The following ZNF326 variants were observed in gnomAD, a reference collection of about 807,000 sequenced individuals.
ZNF326 encodes the protein zinc finger protein 326, also known as DBIRD complex subunit ZNF326.
In ZNF326, 30 loss-of-function variants were observed where a neutral mutation model predicts 63.1. That is an observed-to-expected ratio of 0.48 (90% CI 0.36 to 0.64). The LOEUF (loss-of-function observed/expected upper bound fraction) is 0.64. Ranked by LOEUF, ZNF326 falls within the 30% of genes least tolerant of loss-of-function variation. The probability of loss-of-function intolerance (pLI) is 0.00; values close to 1 mark genes in which losing one functional copy is unlikely to be tolerated. For synonymous variants in ZNF326, 194 were observed against 228.2 expected (o/e 0.85, Z 1.35); for missense variants, 609 against 720.3 (o/e 0.85, Z 1.77).
chr1:90,010,816 A>G (rs759918368), intron 6 of ZNF326, among the ~76,000 whole-genome samples: 1 of 152,148 alleles, frequency 6.6e-6, no homozygotes, highest in Non-Finnish European at 1.5e-5. Flanking sequence ...ATTTTCTATA[A>G]TATAAAATTT....
At position 90,030,143 on chromosome 1, in the gene ZNF326, A is replaced by G. The variant is rs915028382; in HGVS notation, c.*2442A>G. On this transcript the variant is annotated 3_prime_UTR_variant, in exon 12 of 12. Coordinates refer to ENST00000340281, the MANE Select transcript of ZNF326 (RefSeq NM_182976.4). The stretch of plus-strand genomic sequence containing the variant: ...ATTCGCTTTTTATCACTTTCTACCT[A>G]CAGTCTACCAAAAAGTCTGTCTGTT... 2 of 152,154 alleles carry G rather than the reference A, an allele frequency of 1.3e-5. No individual in the cohort carries two copies. Among genetic ancestry groups the G allele is most frequent in the African/African-American group, 4.8e-5 (2 of 41,420 alleles). The allele number at this position is 152,154 out of a possible 1,614,324, so 9.4% of individuals were successfully genotyped here.
At chr1:90,023,143 G>A (rs1248650142) in intron 11 of ZNF326, among the ~76,000 whole-genome samples, 1 of 152,102 alleles carries the variant, frequency 6.6e-6, no homozygotes, top group Non-Finnish European at 1.5e-5. Flanking sequence ...ACTGTGATTT[G>A]GGAATAAATT....
intron 1 of ZNF326, among the ~76,000 whole-genome samples, chr1:89,996,217 G>A (rs76122837): frequency 0.051 from 7,722 of 152,228 alleles, 259 homozygotes; most frequent in Middle Eastern, 0.11. Context: ...GGGAGACATG[G>A]GAAAGGACTT....
intron 11 of ZNF326, 100 bp downstream of exon 11, chr1:90,022,445 A>G (rs1649818755): frequency 1.2e-6 from 1 of 848,406 alleles, no homozygotes. Flanking sequence ...ATAGTATAAC[A>G]TATTAAGAAG....
At chr1:90,006,810 A>C (rs1649013876) in intron 4 of ZNF326, among the ~76,000 whole-genome samples, 1 of 152,152 alleles carries the variant, frequency 6.6e-6, no homozygotes, top group Non-Finnish European at 1.5e-5. Context: ...TAATTCCCCA[A>C]ATTTTGACTC....
At chr1:89,999,325 C>T (rs1648554670) in intron 2 of ZNF326, among the ~76,000 whole-genome samples, 1 of 137,946 alleles carries the variant, frequency 7.2e-6, no homozygotes, top group Admixed American at 7.9e-5. Context: ...ATGACTAGTG[C>T]TTTTACAAGG....
chr1:90,020,660 C>A, intron 9 of ZNF326, 132 bp from the exon 10 acceptor site: 1 of 783,862 alleles, frequency 1.3e-6, no homozygotes, highest in Non-Finnish European at 2.0e-6. Context: ...AAATACTCAG[C>A]ATAAACCTAT....
At position 90,033,447 on chromosome 1, in the gene ZNF326, T is replaced by C. The variant is rs967607538; in HGVS notation, c.*5746T>C. On this transcript the variant is annotated 3_prime_UTR_variant, in exon 12 of 12. Transcript: ENST00000340281. ...TAGTATTATATGGAATAATAATTAC[T>C]ACTACTTATAATAGTTTCATATGTA... 24 of 152,202 alleles carry C rather than the reference T, an allele frequency of 1.6e-4. No homozygotes were observed. The highest frequency in any genetic ancestry group is 5.3e-4 in the African/African-American group (22 of 41,452). 9.4% of individuals were successfully genotyped at this position (152,202 alleles called of 1,614,324 possible).
At position 90,005,144 on chromosome 1, in the gene ZNF326, G is replaced by A. The variant is rs1648916985; in HGVS notation, c.109G>A (p.Asp37Asn). 2 of 1,614,018 alleles carry A rather than the reference G, an allele frequency of 1.2e-6. No homozygotes were observed. The highest frequency in any genetic ancestry group is 8.5e-7 in the Non-Finnish European group (1 of 1,179,962). Residue 37 changes from aspartate to asparagine, a missense_variant, in exon 4 of 12, where the codon GAC becomes AAC. Asp to Asn is a conservative substitution (Grantham distance 23). Transcript: ENST00000340281. ...GPGSYGGMDR[D>N]YGHGSYGGQR... is the part of the protein sequence containing the mutation. ...TTAAACTCTTATAGGGATGGATCGT[G>A]ACTATGGCCATGGATCCTATGGGGG...
At chr1:90,005,549 T>G (rs925273444) in intron 4 of ZNF326, 9 of 945,592 alleles carry the variant, frequency 9.5e-6, no homozygotes, top group Non-Finnish European at 1.1e-5. Flanking sequence ...CAAAGTATCC[T>G]GAAAAATGAT....
rs544630103 is a variant in ZNF326 at position 90,017,299 on chromosome 1, C to CT, written c.927-10dup. 26 of 1,543,444 alleles carry CT rather than the reference C, an allele frequency of 1.7e-5. No individual in the cohort carries two copies. Among genetic ancestry groups the CT allele is most frequent in the East Asian group, 9.3e-5 (4 of 43,068 alleles). ...GAATAAAGTAATATTTAAAGGAAAA[C>CT]TTTTTTTTCTCTTACAGAATGGCAT... is the stretch of plus-strand genomic sequence containing the variant. On this transcript the variant is annotated splice_polypyrimidine_tract_variant and intron_variant, in intron 7 of 11. Transcript: ENST00000340281.
chr1:90,003,766 G>A (rs1013348111), intron 2 of ZNF326, among the ~76,000 whole-genome samples: 1 of 152,160 alleles, frequency 6.6e-6, no homozygotes, highest in African/African-American at 2.4e-5. Flanking sequence ...CATCTCTTTG[G>A]ACGTCAGTTC....
Position 90,007,831 on chromosome 1 carries a change from A to G in ZNF326, c.615+81A>G. 7.7e-7 allele frequency: 1 copy of G among 1,291,264 alleles called. No homozygotes were observed. The highest frequency in any genetic ancestry group is 1.0e-6 in the Non-Finnish European group (1 of 979,406). 80.0% of individuals were successfully genotyped at this position (1,291,264 alleles called of 1,614,324 possible). On this transcript the variant is annotated intron_variant, in intron 5 of 11. Transcript: ENST00000340281. This position sits in a 1 kb window ranked among gnomAD's most constrained non-coding sequence, Gnocchi z 4.9. Reference sequence around the variant, plus strand: ...TTCAAGACCATCGTTTTCAACTAGAATAAACACTGTTCATCCCGGTGTATT... The same window carrying G: ...TTCAAGACCATCGTTTTCAACTAGAGTAAACACTGTTCATCCCGGTGTATT...
At chr1:89,995,789 G>T (rs2802022) in intron 1 of ZNF326, among the ~76,000 whole-genome samples, 23,510 of 152,254 alleles carry the variant, frequency 0.15, 2,891 homozygotes, top group African/African-American at 0.34. Context: ...AAGGGTGTCT[G>T]TAAGTGATAT....
At position 90,020,899 on chromosome 1, in the gene ZNF326, C is replaced by G; in HGVS notation, c.1282C>G (p.Pro428Ala). The G allele has an allele frequency of 6.2e-7, 1 of 1,612,918 alleles. No individual in the cohort carries two copies. Residue 428 changes from proline to alanine, a missense_variant, in exon 10 of 12, where the codon CCT becomes GCT. By Grantham distance (27) the Pro-to-Ala change is conservative. Transcript: ENST00000340281. Reference sequence around the variant, plus strand: ...TTCAGTTCAGCAGCACTTAAAATCTCCTGATCATATCAAAGGGAAGCAGGT... The same window carrying G: ...TTCAGTTCAGCAGCACTTAAAATCTGCTGATCATATCAAAGGGAAGCAGGT... ...HSSVQQHLKS[P>A]DHIKGKQAYK...
At chr1:90,017,531 C>G (rs1362327378) in intron 8 of ZNF326, 67 bp downstream of exon 8, 3 of 1,347,334 alleles carry the variant, frequency 2.2e-6, no homozygotes, top group Non-Finnish European at 3.0e-6. Context: ...TCATTTTTCA[C>G]TCTCCCCATC....
At chr1:90,027,315 G>A (rs1650056618) in intron 11 of ZNF326, 39 bp from the exon 12 acceptor site, 1 of 1,590,198 alleles carries the variant, frequency 6.3e-7, no homozygotes, top group Admixed American at 1.7e-5. Context: ...ATGTAATAAT[G>A]AATGTGCTGA....
intron 6 of ZNF326, among the ~76,000 whole-genome samples, chr1:90,011,930 G>T (rs1379488421): frequency 4.6e-5 from 7 of 152,142 alleles, no homozygotes; most frequent in Non-Finnish European, 1.0e-4. Flanking sequence ...CTCTGCCCCT[G>T]GGTTCAAGCG....
At chr1:89,997,534 C>T (rs111622059) in intron 1 of ZNF326, among the ~76,000 whole-genome samples, 4,831 of 152,102 alleles carry the variant, frequency 0.032, 99 homozygotes, top group Admixed American at 0.049. Flanking sequence ...CCACCAGGCC[C>T]GGCTAATTTT....
Sources: gnomAD v4.1 joint callset for allele counts (sites outside exome capture counted in the v4.1 genomes callset) on GRCh38, gnomAD v4.1.1 for gene constraint, Gnocchi (gnomAD v3.1) non-coding constraint, MANE v1.5 for transcripts, NCBI Gene and HGNC (gene_info 2026-07-23, HGNC 2026-07-21) for gene names.